RIMS2: variants seen among roughly 807,000 people sequenced by gnomAD.
The protein encoded by RIMS2 is regulating synaptic membrane exocytosis protein 2.
Under a neutral mutation model 174.4 loss-of-function variants are expected in RIMS2, and 59 were observed. That is an observed-to-expected ratio of 0.34 (90% CI 0.27 to 0.42). The LOEUF (loss-of-function observed/expected upper bound fraction) is 0.42. Among genes scored for constraint, RIMS2 ranks in the 10% least tolerant of loss-of-function variants. The probability of loss-of-function intolerance (pLI) is 1.00; values close to 1 mark genes in which losing one functional copy is unlikely to be tolerated. For missense variants in RIMS2, 1,620 were observed against 1,666.3 expected (o/e 0.97, Z 0.48); for synonymous variants, 606 against 572.5 (o/e 1.06, Z -0.84).
At chr8:103,612,920 C>CCATT (rs1414589862) in intron 1 of RIMS2, among the ~76,000 whole-genome samples, 1 of 152,222 alleles carries the variant, frequency 6.6e-6, no homozygotes, top group Non-Finnish European at 1.5e-5. Context: ...GAGTCTCTCT[C>CCATT]TGTGCTGAGC....
At chr8:103,529,755 G>A (rs970685659) in intron 1 of RIMS2, among the ~76,000 whole-genome samples, 1 of 152,102 alleles carries the variant, frequency 6.6e-6, no homozygotes, top group African/African-American at 2.4e-5. Context: ...GTTCCTATTC[G>A]GCCATCTTCC....
intron 1 of RIMS2, among the ~76,000 whole-genome samples, chr8:103,531,775 G>A (rs1226475110): frequency 6.6e-6 from 1 of 152,120 alleles, no homozygotes; most frequent in East Asian, 1.9e-4. Flanking sequence ...TACCATGTAG[G>A]TAGTGTTGTG....
At chr8:103,802,722 A>C (rs778920797) in intron 3 of RIMS2, among the ~76,000 whole-genome samples, 2 of 152,194 alleles carry the variant, frequency 1.3e-5, no homozygotes, top group Admixed American at 1.3e-4. Flanking sequence ...CCAGTTAGGA[A>C]GTACCCTTTG....
intron 4 of RIMS2, among the ~76,000 whole-genome samples, chr8:103,889,468 A>G (rs1447920327): frequency 6.6e-6 from 1 of 151,804 alleles, no homozygotes; most frequent in African/African-American, 2.4e-5. Context: ...CTAATTTTAA[A>G]ATGTTAACCA....
intron 2 of RIMS2, among the ~76,000 whole-genome samples, chr8:103,731,128 C>T (rs565941550): frequency 1.3e-5 from 2 of 152,216 alleles, no homozygotes; most frequent in Admixed American, 6.5e-5. Flanking sequence ...CAATTACCTC[C>T]CACAGGGTCC....
At chr8:103,755,644 A>G (rs1426918982) in intron 2 of RIMS2, among the ~76,000 whole-genome samples, 1 of 151,262 alleles carries the variant, frequency 6.6e-6, no homozygotes, top group Non-Finnish European at 1.5e-5. Context: ...TTTTTCTCTA[A>G]TCTTGTTTTC....
chr8:103,704,110 A>T (rs1027002947), intron 2 of RIMS2, among the ~76,000 whole-genome samples: 11 of 150,764 alleles, frequency 7.3e-5, no homozygotes, highest in African/African-American at 2.7e-4. Context: ...ATATGGTGCT[A>T]GCTGTAGGTT....
At chr8:103,896,666 G>A (rs1474264940) in intron 4 of RIMS2, among the ~76,000 whole-genome samples, 2 of 151,568 alleles carry the variant, frequency 1.3e-5, no homozygotes, top group Non-Finnish European at 2.9e-5. Context: ...ATGCTATAGA[G>A]GTTAACACTG....
Position 103,785,659 on chromosome 8 carries a change from G to A in RIMS2, c.698+19122G>A, listed in dbSNP as rs188368045. 6.2e-3 allele frequency among the ~76,000 whole-genome samples: 946 copies of A among 152,076 alleles called. 11 individuals carry two copies. The highest frequency in any genetic ancestry group is 0.022 in the African/African-American group (892 of 41,488). On this transcript the variant is annotated intron_variant, in intron 3 of 23. Coordinates refer to ENST00000504942, the Ensembl canonical transcript of RIMS2. ...TGGATAAGCTTTTTGATGTGCTGCT[G>A]GATTCGTTTAGCCAGTATTTTATTG...
At chr8:103,628,809 C>G (rs556347233) in intron 1 of RIMS2, among the ~76,000 whole-genome samples, 1 of 147,012 alleles carries the variant, frequency 6.8e-6, no homozygotes, top group Non-Finnish European at 1.5e-5. Flanking sequence ...AGCTAAAGGA[C>G]CAGAAAAAGG....
chr8:103,908,128 G>A (rs948817108), intron 4 of RIMS2, among the ~76,000 whole-genome samples: 2 of 151,840 alleles, frequency 1.3e-5, no homozygotes, highest in African/African-American at 2.4e-5. Context: ...TGCAACCTCC[G>A]CCTCCCAGGT....
At chr8:103,858,246 A>G (rs2154496588) in intron 3 of RIMS2, among the ~76,000 whole-genome samples, 1 of 152,326 alleles carries the variant, frequency 6.6e-6, no homozygotes, top group Admixed American at 6.5e-5. Context: ...ATCTCCTTAG[A>G]ATACGTTTTT....
chr8:103,889,098 T>A (rs1052490733), intron 4 of RIMS2, among the ~76,000 whole-genome samples: 3 of 151,846 alleles, frequency 2.0e-5, no homozygotes, highest in African/African-American at 4.8e-5. Context: ...AGCATTTTTT[T>A]ATTATTTGTG....
chr8:103,575,667 CACAT>C (rs927382752), intron 1 of RIMS2, among the ~76,000 whole-genome samples: 1 of 114,478 alleles, frequency 8.7e-6, no homozygotes, highest in African/African-American at 3.3e-5. Flanking sequence ...TATAAACACA[CACAT>C]ACACACACAC....
At chr8:103,731,144 A>G (rs2097587706) in intron 2 of RIMS2, among the ~76,000 whole-genome samples, 1 of 152,174 alleles carries the variant, frequency 6.6e-6, no homozygotes. Flanking sequence ...GGTCCCTCCT[A>G]TGATACATGG....
intron 1 of RIMS2, among the ~76,000 whole-genome samples, chr8:103,681,578 G>A (rs764396527): frequency 6.6e-6 from 1 of 151,898 alleles, no homozygotes; most frequent in Non-Finnish European, 1.5e-5. Context: ...ATTCTAGACA[G>A]GCAAGAGCAT....
intron 14 of RIMS2, among the ~76,000 whole-genome samples, chr8:103,957,337 C>G (rs911717112): frequency 6.6e-6 from 1 of 152,182 alleles, no homozygotes; most frequent in Non-Finnish European, 1.5e-5. Context: ...ATAGCAAAGA[C>G]TTGGAACCAA....
At chr8:103,771,162 G>A (rs996974217) in intron 3 of RIMS2, among the ~76,000 whole-genome samples, 9 of 152,144 alleles carry the variant, frequency 5.9e-5, no homozygotes, top group African/African-American at 1.7e-4. Context: ...AAACCTTAGC[G>A]TTGAGTAGGT....
At position 103,507,040 on chromosome 8, in the gene RIMS2, T is replaced by A. The variant is rs148453317; in HGVS notation, c.176+5978T>A. On this transcript the variant is annotated intron_variant, in intron 1 of 23. Coordinates refer to ENST00000504942, the Ensembl canonical transcript of RIMS2. ...TTAACTAAAATCTATATTTACCTAT[T>A]TGTCTTATTCACATTGTATCTAAGA... 6.1e-3 allele frequency among the ~76,000 whole-genome samples: 934 copies of A among 152,270 alleles called. 11 individuals carry two copies. Among genetic ancestry groups the A allele is most frequent in the African/African-American group, 0.021 (884 of 41,568 alleles).
Sources: gnomAD v4.1 joint callset for allele counts (sites outside exome capture counted in the v4.1 genomes callset) on GRCh38, gnomAD v4.1.1 for gene constraint, MANE v1.5 for transcripts, NCBI Gene and HGNC (gene_info 2026-07-23, HGNC 2026-07-21) for gene names.